Variants in CACNG2 observed in about 807,000 individuals in gnomAD.
The protein encoded by CACNG2 is calcium voltage-gated channel auxiliary subunit gamma 2.
In CACNG2, 3 loss-of-function variants were observed where a neutral mutation model predicts 25.9. The observed-to-expected ratio is 0.12, with a 90% CI of 0.05 to 0.30. CACNG2 has a LOEUF of 0.30. Ranked by LOEUF, CACNG2 falls within the 10% of genes least tolerant of loss-of-function variation. The pLI is 1.00. For missense variants in CACNG2, 341 were observed against 432.5 expected (o/e 0.79, Z 1.88); for synonymous variants, 167 against 173.3 (o/e 0.96, Z 0.29).
intron 2 of CACNG2, among the ~76,000 whole-genome samples, chr22:36,581,716 T>C (rs368008309): frequency 6.6e-6 from 1 of 152,284 alleles, no homozygotes; most frequent in African/African-American, 2.4e-5. Context: ...GCTTCTCCCC[T>C]TCTCTCTCTG....
chr22:36,694,393 G>A (rs1937305927), intron 1 of CACNG2, among the ~76,000 whole-genome samples: 1 of 152,256 alleles, frequency 6.6e-6, no homozygotes, highest in Non-Finnish European at 1.5e-5. Flanking sequence ...GAAAGGACTG[G>A]GGGCTGGCTA....
At chr22:36,643,519 T>TCTAG (rs1038044404) in intron 1 of CACNG2, among the ~76,000 whole-genome samples, 1 of 151,288 alleles carries the variant, frequency 6.6e-6, no homozygotes, top group African/African-American at 2.4e-5. Context: ...TATCTATCTA[T>TCTAG]CTATCCATCA....
At chr22:36,647,773 T>C (rs1336973464) in intron 1 of CACNG2, among the ~76,000 whole-genome samples, 2 of 152,224 alleles carry the variant, frequency 1.3e-5, no homozygotes, top group African/African-American at 4.8e-5. Context: ...TACCAGGTCA[T>C]CCCTCTCTCT....
intron 1 of CACNG2, among the ~76,000 whole-genome samples, chr22:36,700,299 C>T (rs1376956717): frequency 6.6e-6 from 1 of 152,202 alleles, no homozygotes; most frequent in Non-Finnish European, 1.5e-5. Flanking sequence ...AATACTTAAG[C>T]CTTTTTAATG....
intron 1 of CACNG2, among the ~76,000 whole-genome samples, chr22:36,639,069 C>T (rs2145964862): frequency 6.6e-6 from 1 of 152,294 alleles, no homozygotes; most frequent in African/African-American, 2.4e-5. Context: ...GGGCCAAGGC[C>T]TGAGCTTCTG....
rs1936251705 is a variant in CACNG2, at chr22:36,630,524, C to A, written c.212-42976G>T. On this transcript the variant is annotated intron_variant, in intron 1 of 3. Coordinates refer to ENST00000300105, the MANE Select transcript of CACNG2 (RefSeq NM_006078.5). Reference sequence around the variant, plus strand: ...TAATATACCTCAGGATGGCATAAATCCAGGTTCATTGAAAGAGGTACAGGG... The same window carrying A: ...TAATATACCTCAGGATGGCATAAATACAGGTTCATTGAAAGAGGTACAGGG... Among the ~76,000 whole-genome samples the A allele has an allele frequency of 2.0e-5, 3 of 151,960 alleles. No individual in the cohort carries two copies. The South Asian group carries it at 6.2e-4, about 32-fold the overall frequency.
At chr22:36,615,458 C>T (rs768333427) in intron 1 of CACNG2, among the ~76,000 whole-genome samples, 1 of 152,204 alleles carries the variant, frequency 6.6e-6, no homozygotes, top group Non-Finnish European at 1.5e-5. Flanking sequence ...CAGACTTCCC[C>T]TCTGGGCCTC....
intron 2 of CACNG2, among the ~76,000 whole-genome samples, chr22:36,576,565 T>C (rs1935316420): frequency 1.5e-5 from 1 of 66,736 alleles, no homozygotes; most frequent in African/African-American, 5.8e-5. Flanking sequence ...AAAATGCCTC[T>C]GTGTGTGCGT....
chr22:36,596,920 T>C (rs1935686629), intron 1 of CACNG2, among the ~76,000 whole-genome samples: 1 of 151,762 alleles, frequency 6.6e-6, no homozygotes, highest in South Asian at 2.1e-4. Flanking sequence ...CAGCTAATTT[T>C]TGAATTTTTT....
chr22:36,575,780 C>T (rs1174141634), intron 2 of CACNG2, among the ~76,000 whole-genome samples: 1 of 152,178 alleles, frequency 6.6e-6, no homozygotes, highest in South Asian at 2.1e-4. Flanking sequence ...CGAGTAATGA[C>T]CTTGAATCAA....
At chr22:36,679,810 T>A (rs1242429142) in intron 1 of CACNG2, among the ~76,000 whole-genome samples, 1 of 152,174 alleles carries the variant, frequency 6.6e-6, no homozygotes, top group African/African-American at 2.4e-5. Context: ...TTTGAAAAAT[T>A]CAGAATTTTT....
intron 1 of CACNG2, among the ~76,000 whole-genome samples, chr22:36,627,305 TG>T: frequency 6.6e-6 from 1 of 151,648 alleles, no homozygotes; most frequent in South Asian, 2.1e-4. Context: ...TGTGTGTGTG[TG>T]TGTGTGTGTG....
intron 2 of CACNG2, among the ~76,000 whole-genome samples, chr22:36,575,404 C>T (rs1425241688): frequency 6.6e-6 from 1 of 152,048 alleles, no homozygotes; most frequent in Non-Finnish European, 1.5e-5. Context: ...CCTCTCTGGC[C>T]ATCACGCTGT....
intron 3 of CACNG2, among the ~76,000 whole-genome samples, chr22:36,565,176 T>G (rs953314812): frequency 3.9e-5 from 6 of 152,194 alleles, no homozygotes; most frequent in African/African-American, 1.4e-4. Flanking sequence ...TAATAGATAT[T>G]GTTCATTGAG....
At chr22:36,677,774 A>C (rs1417039365) in intron 1 of CACNG2, among the ~76,000 whole-genome samples, 2 of 152,226 alleles carry the variant, frequency 1.3e-5, no homozygotes, top group Non-Finnish European at 2.9e-5. Flanking sequence ...TCCATGGTTT[A>C]ATATATTTCT....
chr22:36,591,672 GAAA>G (rs1935595054), intron 1 of CACNG2, among the ~76,000 whole-genome samples: 1 of 151,966 alleles, frequency 6.6e-6, no homozygotes, highest in Admixed American at 6.6e-5. Flanking sequence ...ACTCTGTCTT[GAAA>G]ATAAAATCAA....
intron 3 of CACNG2, among the ~76,000 whole-genome samples, chr22:36,565,797 G>A (rs1935114884): frequency 6.6e-6 from 1 of 152,170 alleles, no homozygotes; most frequent in South Asian, 2.1e-4. Context: ...GCCTGATGTT[G>A]GTCATTCTTA....
chr22:36,591,662 ACT>A (rs1295933976), intron 1 of CACNG2, among the ~76,000 whole-genome samples: 2 of 152,026 alleles, frequency 1.3e-5, no homozygotes, highest in Non-Finnish European at 2.9e-5. Context: ...ACAGAGCAAG[ACT>A]CTGTCTTGAA....
intron 2 of CACNG2, among the ~76,000 whole-genome samples, chr22:36,582,669 A>G (rs1935438891): frequency 6.6e-6 from 1 of 150,632 alleles, no homozygotes; most frequent in African/African-American, 2.4e-5. Context: ...TTGGCCTCCC[A>G]AAGTGCTGAG....
Sources: gnomAD v4.1 joint callset for allele counts (sites outside exome capture counted in the v4.1 genomes callset) on GRCh38, gnomAD v4.1.1 for gene constraint, MANE v1.5 for transcripts, NCBI Gene and HGNC (gene_info 2026-07-23, HGNC 2026-07-21) for gene names.